Variants in TRDN observed in about 807,000 individuals in gnomAD.
TRDN encodes the protein triadin in skeletal muscle.
In TRDN, 161 loss-of-function variants were observed where a neutral mutation model predicts 149.7. The ratio of observed to expected loss-of-function variants is 1.08; its 90% CI spans 0.95 to 1.23. The LOEUF is 1.23. Among genes scored for constraint, TRDN ranks in the 50% most tolerant of loss-of-function variants. TRDN has a pLI of 0.00. For synonymous variants in TRDN, 294 were observed against 250.5 expected, an observed-to-expected ratio of 1.17 and a Z score of -1.64; for missense variants, 896 against 823.5, an observed-to-expected ratio of 1.09 and a Z score of -1.08.
chr6:123,397,629 ATC>A (rs1434211875), intron 12 of TRDN, among the ~76,000 whole-genome samples: 4 of 152,152 alleles, frequency 2.6e-5, no homozygotes, highest in Non-Finnish European at 5.9e-5. Flanking sequence ...ATGACGCAAA[ATC>A]TCTTTTTCTC....
intron 12 of TRDN, among the ~76,000 whole-genome samples, chr6:123,402,071 A>G (rs79382966): frequency 0.011 from 1,706 of 152,316 alleles, 29 homozygotes; most frequent in African/African-American, 0.038. Flanking sequence ...ATCCAGCTGG[A>G]GCAGAAGAGT....
At chr6:123,311,840 TC>T (rs1204870591) in intron 24 of TRDN, among the ~76,000 whole-genome samples, 1 of 151,918 alleles carries the variant, frequency 6.6e-6, no homozygotes, top group African/African-American at 2.4e-5. Flanking sequence ...GTGCATGACT[TC>T]ACAGGATGTA....
intron 12 of TRDN, among the ~76,000 whole-genome samples, chr6:123,402,212 T>G (rs2114488325): frequency 6.6e-6 from 1 of 152,290 alleles, no homozygotes; most frequent in Middle Eastern, 3.4e-3. Context: ...AACTGAAACC[T>G]TACTTAAGAG....
intron 12 of TRDN, among the ~76,000 whole-genome samples, chr6:123,415,972 G>A (rs1399387809): frequency 6.6e-6 from 1 of 152,140 alleles, no homozygotes; most frequent in African/African-American, 2.4e-5. Context: ...TTTTAGCACT[G>A]CTGGGCCTAA....
intron 1 of TRDN, 31 bp downstream of exon 1, chr6:123,636,719 CCTTA>C: frequency 6.2e-7 from 1 of 1,608,824 alleles, no homozygotes; most frequent in South Asian, 1.1e-5. Flanking sequence ...TATTTTTTTT[CCTTA>C]CTTGATACTA....
At chr6:123,394,195 C>T (rs1427189863) in intron 12 of TRDN, among the ~76,000 whole-genome samples, 5 of 152,052 alleles carry the variant, frequency 3.3e-5, no homozygotes, top group African/African-American at 1.2e-4. Context: ...AAAATATATC[C>T]GAGAGAATGA....
intron 1 of TRDN, among the ~76,000 whole-genome samples, chr6:123,633,529 C>T (rs1786124504): frequency 6.9e-6 from 1 of 145,272 alleles, no homozygotes. Flanking sequence ...CATTTGGTGG[C>T]CCTGAAGATT....
intron 12 of TRDN, among the ~76,000 whole-genome samples, chr6:123,410,502 T>G (rs1251848156): frequency 6.6e-6 from 1 of 152,198 alleles, no homozygotes; most frequent in Admixed American, 6.5e-5. Flanking sequence ...TTTATTGTAT[T>G]TTCTCTTCAC....
intron 5 of TRDN, among the ~76,000 whole-genome samples, chr6:123,519,569 T>A (rs1215668977): frequency 6.6e-6 from 1 of 151,748 alleles, no homozygotes; most frequent in Non-Finnish European, 1.5e-5. Context: ...GTCCTGTTCT[T>A]AGGTTGAAAA....
At chr6:123,585,242 T>C (rs1401275394) in intron 1 of TRDN, among the ~76,000 whole-genome samples, 2 of 151,498 alleles carry the variant, frequency 1.3e-5, no homozygotes, top group Non-Finnish European at 2.9e-5. Context: ...GGGAAGCAGA[T>C]AATTTAGTTA....
intron 38 of TRDN, among the ~76,000 whole-genome samples, chr6:123,237,251 C>T (rs1239557481): frequency 2.0e-5 from 3 of 151,970 alleles, no homozygotes; most frequent in South Asian, 4.2e-4. Flanking sequence ...TTATACCCTA[C>T]TACTTTGTTT....
At chr6:123,293,940 A>G (rs1778099774) in intron 24 of TRDN, among the ~76,000 whole-genome samples, 1 of 152,140 alleles carries the variant, frequency 6.6e-6, no homozygotes. Context: ...GAATCAAGGC[A>G]GTGATGGGAC....
At chr6:123,500,492 T>C (rs976431898) in intron 8 of TRDN, among the ~76,000 whole-genome samples, 1 of 152,212 alleles carries the variant, frequency 6.6e-6, no homozygotes, top group Non-Finnish European at 1.5e-5. Context: ...TTAAATATTA[T>C]AGCAGAAAAT....
chr6:123,547,538 T>G (rs988592840), intron 3 of TRDN, among the ~76,000 whole-genome samples, 166 bp from the exon 4 acceptor site: 1 of 152,022 alleles, frequency 6.6e-6, no homozygotes, highest in Non-Finnish European at 1.5e-5. Context: ...GTATAAAGTT[T>G]GTTTATATAC....
intron 39 of TRDN, among the ~76,000 whole-genome samples, chr6:123,222,659 G>T (rs1775191531): frequency 6.6e-6 from 1 of 151,724 alleles, no homozygotes; most frequent in Admixed American, 6.6e-5. Flanking sequence ...TCGTTGGCTA[G>T]AACAATGCTT....
At chr6:123,285,721 A>G (rs956997652) in intron 24 of TRDN, among the ~76,000 whole-genome samples, 2 of 152,192 alleles carry the variant, frequency 1.3e-5, no homozygotes, top group Middle Eastern at 3.2e-3. Flanking sequence ...TCTGCACAGC[A>G]AAAGGAACAG....
At chr6:123,319,232 T>A (rs561466378) in intron 23 of TRDN, among the ~76,000 whole-genome samples, 14 of 151,956 alleles carry the variant, frequency 9.2e-5, no homozygotes, top group African/African-American at 2.9e-4. Context: ...CTTTTTTTTT[T>A]AAACAGAATT....
In TRDN at chr6:123,481,865, G is replaced by A. The variant is rs192182806; in HGVS notation, c.853+15328C>T. Among the ~76,000 whole-genome samples, 33 of 152,208 alleles carry A rather than the reference G, an allele frequency of 2.2e-4. No homozygotes were observed. The East Asian group carries it at 4.6e-3, about 21-fold the overall frequency. On this transcript the variant is annotated intron_variant, in intron 9 of 40. Transcript: ENST00000334268. ...CTTTCTCATTATCCTTAAATGCAAGGGGATAATTTTTAAAAGCTATCACAT... is the reference window on the plus strand; with the variant it reads ...CTTTCTCATTATCCTTAAATGCAAGAGGATAATTTTTAAAAGCTATCACAT...
At chr6:123,443,490 AT>A (rs1455929520) in intron 10 of TRDN, among the ~76,000 whole-genome samples, 1 of 152,028 alleles carries the variant, frequency 6.6e-6, no homozygotes, top group African/African-American at 2.4e-5. Context: ...GGCTAGATAA[AT>A]TCAAAGAAGA....
Sources: allele counts gnomAD v4.1 joint callset (sites outside exome capture counted in the v4.1 genomes callset), GRCh38; gene constraint gnomAD v4.1.1; transcripts MANE v1.5; gene names NCBI Gene and HGNC (gene_info 2026-07-23, HGNC 2026-07-21).